THSD4: variants seen among roughly 807,000 people sequenced by gnomAD.
The protein encoded by THSD4 is thrombospondin type-1 domain-containing protein 4.
THSD4 carries 69 observed loss-of-function variants against 119.0 expected under a neutral mutation model. The observed-to-expected ratio is 0.58, with a 90% confidence interval of 0.48 to 0.71. The LOEUF (loss-of-function observed/expected upper bound fraction) is 0.71. Ranked by LOEUF, THSD4 falls within the 30% of genes least tolerant of loss-of-function variation. THSD4 has a pLI of 0.00. For synonymous variants in THSD4, 524 were observed against 540.4 expected (o/e 0.97, Z 0.42); for missense variants, 1,393 against 1,391.1 (o/e 1.00, Z -0.02).
intron 1 of THSD4, among the ~76,000 whole-genome samples, chr15:71,140,310 A>G (rs1332611703): frequency 6.6e-6 from 1 of 152,136 alleles, no homozygotes; most frequent in Non-Finnish European, 1.5e-5. Flanking sequence ...TGGAGAAGGA[A>G]GGGCAGCCAG....
rs149390827 is a variant in THSD4 at position 71,252,657 on chromosome 15, G to A, written c.913-3956G>A. ...CCATGGCATAGTGGTTACTATGATG[G>A]ATTCTAGATGCAAAGTGTCAGGGTT... On this transcript the variant is annotated intron_variant, in intron 5 of 17. Coordinates refer to ENST00000261862, the MANE Select transcript of THSD4 (RefSeq NM_024817.3). Among the ~76,000 whole-genome samples the A allele has an allele frequency of 9.2e-5, 14 of 152,280 alleles. No homozygotes were observed. The East Asian group carries it at 2.7e-3, about 29-fold the overall frequency.
At chr15:71,596,875 C>CT (rs2049916121) in intron 7 of THSD4, among the ~76,000 whole-genome samples, 1 of 152,158 alleles carries the variant, frequency 6.6e-6, no homozygotes, top group Non-Finnish European at 1.5e-5. Context: ...GTTCTCCTGG[C>CT]TTGGAATGCT....
intron 6 of THSD4, among the ~76,000 whole-genome samples, chr15:71,292,438 C>T (rs2044803882): frequency 6.6e-6 from 1 of 152,054 alleles, no homozygotes; most frequent in South Asian, 2.1e-4. Flanking sequence ...CTGTTTTGGA[C>T]AGCATCTCAA....
chr15:71,651,137 A>G (rs985328504), intron 7 of THSD4, among the ~76,000 whole-genome samples: 2 of 152,168 alleles, frequency 1.3e-5, no homozygotes, highest in Non-Finnish European at 2.9e-5. Flanking sequence ...TTCTGCCTCA[A>G]GAACACTAGT....
intron 5 of THSD4, among the ~76,000 whole-genome samples, chr15:71,249,310 T>C (rs2044236152): frequency 6.6e-6 from 1 of 152,050 alleles, no homozygotes; most frequent in South Asian, 2.1e-4. Context: ...TGTTCTCTTA[T>C]TGACTTCATA....
At chr15:71,385,504 G>A (rs886694579) in intron 6 of THSD4, among the ~76,000 whole-genome samples, 1 of 152,156 alleles carries the variant, frequency 6.6e-6, no homozygotes, top group Admixed American at 6.5e-5. Flanking sequence ...GGACACTTAT[G>A]GACACAAAAA....
intron 7 of THSD4, among the ~76,000 whole-genome samples, chr15:71,510,529 TG>T (rs2048264895): frequency 6.6e-6 from 1 of 152,168 alleles, no homozygotes; most frequent in African/African-American, 2.4e-5. Context: ...CTAGATTCTG[TG>T]ATCAGGGAGG....
At chr15:71,300,208 A>G (rs1440750691) in intron 6 of THSD4, among the ~76,000 whole-genome samples, 1 of 151,978 alleles carries the variant, frequency 6.6e-6, no homozygotes, top group Non-Finnish European at 1.5e-5. Context: ...ACAGTTTAGC[A>G]ACCACACCCC....
At chr15:71,325,813 C>A (rs988112904) in intron 6 of THSD4, among the ~76,000 whole-genome samples, 1 of 152,002 alleles carries the variant, frequency 6.6e-6, no homozygotes, top group East Asian at 1.9e-4. Context: ...TAAACAATAA[C>A]AAAAAAACTC....
At chr15:71,672,806 G>C (rs1396598768) in intron 8 of THSD4, among the ~76,000 whole-genome samples, 1 of 152,202 alleles carries the variant, frequency 6.6e-6, no homozygotes, top group Non-Finnish European at 1.5e-5. Context: ...ATTTGCGTAT[G>C]TTGAACCAGC....
At chr15:71,334,429 G>T (rs980767643) in intron 6 of THSD4, among the ~76,000 whole-genome samples, 63 of 152,210 alleles carry the variant, frequency 4.1e-4, no homozygotes, top group African/African-American at 1.4e-3. Context: ...TTCAGCATGA[G>T]AGTGTATATG....
chr15:71,636,375 A>T (rs1192503928), intron 7 of THSD4, among the ~76,000 whole-genome samples: 1 of 152,136 alleles, frequency 6.6e-6, no homozygotes, highest in African/African-American at 2.4e-5. Flanking sequence ...GTGAGCCGAG[A>T]TGGTGCCACT....
intron 7 of THSD4, among the ~76,000 whole-genome samples, chr15:71,608,958 A>T (rs541793616): frequency 6.6e-6 from 1 of 152,286 alleles, no homozygotes; most frequent in South Asian, 2.1e-4. Flanking sequence ...TCAAGAGGAC[A>T]TCAGTCTCTC....
intron 7 of THSD4, among the ~76,000 whole-genome samples, chr15:71,569,149 G>A (rs933180222): frequency 3.9e-5 from 6 of 152,220 alleles, no homozygotes; most frequent in African/African-American, 1.4e-4. Context: ...AGTTTTAGTT[G>A]TTTTCTTTGC....
chr15:71,381,561 C>A (rs2046229326), intron 6 of THSD4, among the ~76,000 whole-genome samples: 1 of 152,148 alleles, frequency 6.6e-6, no homozygotes, highest in Non-Finnish European at 1.5e-5. Flanking sequence ...TTGTCAGAGT[C>A]CTTTCCATCC....
intron 7 of THSD4, among the ~76,000 whole-genome samples, chr15:71,510,118 G>GA (rs1054255620): frequency 1.3e-5 from 2 of 152,198 alleles, no homozygotes; most frequent in African/African-American, 4.8e-5. Flanking sequence ...ATTAAAAACA[G>GA]AACTTTGCCC....
chr15:71,451,854 T>C (rs1259923942), intron 7 of THSD4, among the ~76,000 whole-genome samples: 1 of 152,084 alleles, frequency 6.6e-6, no homozygotes, highest in Admixed American at 6.5e-5. Flanking sequence ...GTGCTCCCCA[T>C]TGTTCTTCTC....
chr15:71,513,209 C>T (rs1397839931), intron 7 of THSD4, among the ~76,000 whole-genome samples: 1 of 152,198 alleles, frequency 6.6e-6, no homozygotes, highest in Non-Finnish European at 1.5e-5. Context: ...ATGTGCCATC[C>T]TTGCATTGCC....
At chr15:71,288,953 T>G (rs185600326) in intron 6 of THSD4, among the ~76,000 whole-genome samples, 142 of 152,300 alleles carry the variant, frequency 9.3e-4, no homozygotes, top group African/African-American at 3.2e-3. Context: ...AGGTCTCTGT[T>G]TATTAGTACT....
Sources: gnomAD v4.1 joint callset for allele counts (sites outside exome capture counted in the v4.1 genomes callset) on GRCh38, gnomAD v4.1.1 for gene constraint, MANE v1.5 for transcripts, NCBI Gene and HGNC (gene_info 2026-07-23, HGNC 2026-07-21) for gene names.